TET2: variants seen among roughly 807,000 people sequenced by gnomAD.
The protein encoded by TET2 is methylcytosine dioxygenase TET2.
TET2 carries 299 observed loss-of-function variants against 142.9 expected under a neutral mutation model. That is an observed-to-expected ratio of 2.09 (90% CI 1.90 to 2.30). The LOEUF (loss-of-function observed/expected upper bound fraction) is 2.30, where lower values mean the gene tolerates loss of function less well. TET2 is among the 30% of genes most tolerant of loss of function. The pLI is 0.00. For synonymous variants in TET2, 819 were observed against 849.0 expected (o/e 0.96, Z 0.61); for missense variants, 2,418 against 2,378.0 (o/e 1.02, Z -0.35).
chr4:105,195,489 A>AC (rs1302092593), intron 2 of TET2, among the ~76,000 whole-genome samples: 1 of 151,890 alleles, frequency 6.6e-6, no homozygotes, highest in Non-Finnish European at 1.5e-5. Context: ...TGGTTCCAGG[A>AC]CCCCCCATGG....
intron 1 of TET2, among the ~76,000 whole-genome samples, chr4:105,164,895 C>G (rs1429322065): frequency 6.6e-6 from 1 of 152,160 alleles, no homozygotes; most frequent in Non-Finnish European, 1.5e-5. Context: ...ATAGTACCAT[C>G]CTTTCATGAT....
intron 3 of TET2, chr4:105,238,375 C>G (rs746024797): frequency 6.7e-5 from 16 of 239,422 alleles, no homozygotes; most frequent in Admixed American, 5.7e-4. Flanking sequence ...AAAGATTTCT[C>G]TGTAGCATGC....
chr4:105,161,980 G>A (rs1472639834), intron 1 of TET2, among the ~76,000 whole-genome samples: 1 of 152,128 alleles, frequency 6.6e-6, no homozygotes. Flanking sequence ...ATCCTCTTTG[G>A]TAGAAATGGT....
At position 105,236,443 on chromosome 4, in the gene TET2, G is replaced by A. The variant is rs780451113; in HGVS notation, c.2501G>A (p.Cys834Tyr). Residue 834 changes from cysteine (C) to tyrosine (Y), a missense_variant, in exon 3 of 11, where the codon TGT becomes TAT. By Grantham distance (194) the Cys-to-Tyr change is radical. Coordinates refer to ENST00000380013, the MANE Select transcript of TET2 (RefSeq NM_001127208.3). ...AGTGCATGCAAAATACAGGTTTCTT[G>A]TTCAAACAATACACACCTAGTTTCA... ...KSSACKIQVS[C>Y]SNNTHLVSEN... 1.5e-5 allele frequency: 25 copies of A among 1,614,026 alleles called. No homozygotes were observed. The highest frequency in any genetic ancestry group is 2.0e-5 in the Non-Finnish European group (24 of 1,179,992).
intron 2 of TET2, among the ~76,000 whole-genome samples, chr4:105,195,482 T>G (rs946884031): frequency 3.9e-5 from 6 of 152,132 alleles, no homozygotes; most frequent in African/African-American, 1.4e-4. Flanking sequence ...GGGAGATTGG[T>G]TCCAGGACCC....
At chr4:105,225,302 G>A (rs544889655) in intron 2 of TET2, among the ~76,000 whole-genome samples, 152 of 151,964 alleles carry the variant, frequency 1.0e-3, no homozygotes, top group African/African-American at 3.6e-3. Flanking sequence ...CCTAGGTTAA[G>A]GGTTCAATAA....
intron 2 of TET2, among the ~76,000 whole-genome samples, chr4:105,231,199 G>A (rs1415479781): frequency 6.6e-6 from 1 of 151,890 alleles, no homozygotes; most frequent in Non-Finnish European, 1.5e-5. Context: ...AATATTCCTG[G>A]CTACCCAATT....
intron 1 of TET2, chr4:105,171,537 A>G (rs1428206850): frequency 1.3e-5 from 2 of 152,204 alleles, no homozygotes; most frequent in African/African-American, 4.8e-5. Flanking sequence ...AGAATAAGAG[A>G]AAAAATTAGA....
intron 2 of TET2, among the ~76,000 whole-genome samples, chr4:105,197,618 G>A (rs752391789): frequency 3.3e-5 from 5 of 152,124 alleles, no homozygotes; most frequent in South Asian, 2.1e-4. Context: ...TTTTAGGAAA[G>A]ACTTCTAAGC....
intron 9 of TET2, among the ~76,000 whole-genome samples, chr4:105,270,667 A>G (rs1730908171): frequency 1.3e-5 from 1 of 77,552 alleles, no homozygotes; most frequent in Admixed American, 1.2e-4. Flanking sequence ...GGGAAAATAG[A>G]TACATGTTAT....
At chr4:105,274,840 T>C (rs1578738850) in intron 10 of TET2, among the ~76,000 whole-genome samples, 1 of 152,118 alleles carries the variant, frequency 6.6e-6, no homozygotes, top group Non-Finnish European at 1.5e-5. Flanking sequence ...ATTTTTTTTT[T>C]CACTAAGTTT....
chr4:105,167,798 A>G (rs767229469), intron 1 of TET2, among the ~76,000 whole-genome samples: 1 of 152,220 alleles, frequency 6.6e-6, no homozygotes, highest in African/African-American at 2.4e-5. Context: ...TTGCTGTTCA[A>G]TAACAGGTAA....
rs148297543 is a variant in TET2 at position 105,236,874 on chromosome 4, C to T, written c.2932C>T (p.His978Tyr). 1.5e-5 allele frequency: 25 copies of T among 1,613,992 alleles called. No homozygotes were observed. The highest frequency in any genetic ancestry group is 2.0e-5 in the Non-Finnish European group (24 of 1,180,020). Reference sequence around the variant, plus strand: ...AACTGAGTCTTGCCATAGTCAGATGCACAGGCCAATTAAGGTGGAACCTGG... The same window carrying T: ...AACTGAGTCTTGCCATAGTCAGATGTACAGGCCAATTAAGGTGGAACCTGG... The part of the protein sequence containing the change: ...PQTESCHSQM[H>Y]RPIKVEPGCK... The change falls in exon 3 of 11, where the codon CAC becomes TAC. Residue 978 changes from histidine (H) to tyrosine (Y), a missense_variant. Transcript: ENST00000380013.
intron 1 of TET2, among the ~76,000 whole-genome samples, chr4:105,166,742 T>G (rs1247662528): frequency 6.6e-6 from 1 of 152,122 alleles, no homozygotes; most frequent in Non-Finnish European, 1.5e-5. Context: ...TCAAAGTAAT[T>G]TTCTCTCAGA....
At chr4:105,250,878 C>T (rs553460467) in intron 6 of TET2, among the ~76,000 whole-genome samples, 104 of 151,964 alleles carry the variant, frequency 6.8e-4, no homozygotes, top group African/African-American at 2.4e-3. Flanking sequence ...GACAGGGTTT[C>T]ACCATGTTGG....
At chr4:105,217,293 G>A (rs1578638729) in intron 2 of TET2, among the ~76,000 whole-genome samples, 1 of 152,014 alleles carries the variant, frequency 6.6e-6, no homozygotes, top group East Asian at 1.9e-4. Context: ...AGATAGTTTA[G>A]TTTTTACAAG....
Position 105,234,939 on chromosome 4 carries a change from C to T in TET2, c.997C>T (p.Pro333Ser), listed in dbSNP as rs748698001. Residue 333 changes from proline to serine, a missense_variant, in exon 3 of 11, where the codon CCA becomes TCA. Coordinates refer to ENST00000380013, the MANE Select transcript of TET2 (RefSeq NM_001127208.3). ...QQQKSVFEIC[P>S]SPAENNIQGT... ...ACAAAAATCAGTTTTTGAGATATGCCCATCTCCTGCAGAAAATAACATCCA... is the reference window on the plus strand; with the variant it reads ...ACAAAAATCAGTTTTTGAGATATGCTCATCTCCTGCAGAAAATAACATCCA... 6.2e-7 allele frequency: 1 copy of T among 1,613,958 alleles called. No individual in the cohort carries two copies. Among genetic ancestry groups the T allele is most frequent in the East Asian group, 2.2e-5 (1 of 44,848 alleles).
At position 105,250,380 on chromosome 4, in the gene TET2, A is replaced by ATTTTTTTTTT. The variant is rs59695275; in HGVS notation, c.3803+6624_3803+6633dup. Reference sequence around the variant, plus strand: ...ATCAGCTTCTCCGTTTCCTTTCTGGATTTTTTTTTTTTTTTTTTTTTTTTT... The same window carrying ATTTTTTTTTT: ...ATCAGCTTCTCCGTTTCCTTTCTGGATTTTTTTTTTTTTTTTTTTTTTTTTTTTTTTTTTT... On this transcript the variant is annotated intron_variant, in intron 6 of 10. Coordinates refer to ENST00000380013, the MANE Select transcript of TET2 (RefSeq NM_001127208.3). Among the ~76,000 whole-genome samples the ATTTTTTTTTT allele has an allele frequency of 5.3e-4, 32 of 60,316 alleles. 3 individuals carry two copies. The highest frequency in any genetic ancestry group is 1.1e-3 in the Admixed American group (4 of 3,768). 39.6% of individuals were successfully genotyped at this position (60,316 alleles called of 152,430 possible).
intron 2 of TET2, among the ~76,000 whole-genome samples, chr4:105,221,600 A>G (rs1157401630): frequency 6.6e-6 from 1 of 152,188 alleles, no homozygotes. Context: ...CACACGCTGT[A>G]TGTGTATGTG....
Sources: allele counts gnomAD v4.1 joint callset (sites outside exome capture counted in the v4.1 genomes callset), GRCh38; gene constraint gnomAD v4.1.1; transcripts MANE v1.5; gene names NCBI Gene and HGNC (gene_info 2026-07-23, HGNC 2026-07-21).